The following LRRC17 variants were observed in gnomAD, a reference collection of about 807,000 sequenced individuals.
LRRC17 encodes the protein leucine rich repeat containing 17, also known as leucine-rich repeat-containing protein 17.
LRRC17 carries 33 observed loss-of-function variants against 41.5 expected under a neutral mutation model. The ratio of observed to expected loss-of-function variants is 0.80; its 90% confidence interval spans 0.60 to 1.06. LRRC17 has a LOEUF of 1.06. LRRC17 is among the 50% of genes least tolerant of loss of function. The probability of loss-of-function intolerance (pLI) is 0.00; values close to 1 mark genes in which losing one functional copy is unlikely to be tolerated. For synonymous variants in LRRC17, 192 were observed against 197.0 expected (o/e 0.97, Z 0.21); for missense variants, 491 against 519.3 (o/e 0.95, Z 0.53).
rs759963809 is a variant in LRRC17, at chr7:102,913,146, G to A, written c.-141+1G>A. 1.9e-6 allele frequency: 3 copies of A among 1,614,038 alleles called. No homozygotes were observed. On this transcript the variant is annotated splice_donor_variant, in intron 1 of 3. Coordinates refer to ENST00000339431, the MANE Select transcript of LRRC17 (RefSeq NM_001031692.3). LOFTEE classifies it low-confidence loss of function (5UTR_SPLICE). ...TGTGGCATCCATTCCCCAAGTTCAG[G>A]TACTGTAAGCCTTTGTCTGTGAACC...
chr7:102,944,094 T>C (rs1355643291), intron 3 of LRRC17, 116 bp from the exon 4 acceptor site: 2 of 821,398 alleles, frequency 2.4e-6, no homozygotes, highest in Admixed American at 2.8e-5. Flanking sequence ...AAGAAATCTC[T>C]TTATTTTCAA....
At chr7:102,936,837 GT>G (rs1336671176) in intron 2 of LRRC17, among the ~76,000 whole-genome samples, 4 of 152,188 alleles carry the variant, frequency 2.6e-5, no homozygotes, top group Non-Finnish European at 5.9e-5. Context: ...GAGATAACAT[GT>G]GAGGAAATGT....
At position 102,942,350 on chromosome 7, in the gene LRRC17, T is replaced by A. The variant is rs757365863; in HGVS notation, c.929-1860T>A. The A allele has an allele frequency of 3.2e-6, 5 of 1,561,060 alleles. No homozygotes were observed. In the East Asian group the frequency reaches 1.2e-4, roughly 37 times the overall value. ...TGAATGATTTTTGCTGTGGTAAGTA[T>A]ACAAATGCAGTGGGAGTTGCCAGAC... On this transcript the variant is annotated intron_variant, in intron 3 of 3. Transcript: ENST00000339431.
At chr7:102,927,560 T>A (rs1437143470) in intron 1 of LRRC17, among the ~76,000 whole-genome samples, 3 of 152,148 alleles carry the variant, frequency 2.0e-5, no homozygotes, top group Admixed American at 6.5e-5. Flanking sequence ...CACACTCAGA[T>A]AGGAATTGGT....
intron 1 of LRRC17, among the ~76,000 whole-genome samples, chr7:102,925,143 C>G (rs1817870260): frequency 6.6e-6 from 1 of 152,168 alleles, no homozygotes; most frequent in Non-Finnish European, 1.5e-5. Context: ...TGGCTCATGC[C>G]AGCACTTTGG....
intron 1 of LRRC17, among the ~76,000 whole-genome samples, chr7:102,923,333 C>T (rs536960287): frequency 1.1e-4 from 16 of 152,142 alleles, no homozygotes; most frequent in Admixed American, 2.6e-4. Flanking sequence ...TGATGTTTTC[C>T]GTGGTATAGA....
chr7:102,932,099 TGG>T (rs958616667), intron 1 of LRRC17, among the ~76,000 whole-genome samples: 1 of 152,180 alleles, frequency 6.6e-6, no homozygotes, highest in Non-Finnish European at 1.5e-5. Context: ...ATGGCTTTTT[TGG>T]GCTTCAGAAT....
intron 1 of LRRC17, among the ~76,000 whole-genome samples, chr7:102,932,638 A>G (rs1460452092): frequency 3.2e-5 from 1 of 30,858 alleles, no homozygotes; most frequent in African/African-American, 9.6e-5. Flanking sequence ...TCTGTCAGCC[A>G]CGCTAGAGTG....
intron 2 of LRRC17, among the ~76,000 whole-genome samples, chr7:102,935,878 G>A (rs1420934707): frequency 2.6e-5 from 4 of 152,102 alleles, no homozygotes; most frequent in Non-Finnish European, 5.9e-5. Flanking sequence ...GTTTCTTTAA[G>A]GGCAAGAGAA....
chr7:102,915,915 A>C (rs1815762254), intron 1 of LRRC17, among the ~76,000 whole-genome samples: 1 of 152,168 alleles, frequency 6.6e-6, no homozygotes, highest in Non-Finnish European at 1.5e-5. Flanking sequence ...TGTCCCAGAG[A>C]CTGCTAATAC....
At chr7:102,941,314 G>A (rs111870147) in intron 3 of LRRC17, among the ~76,000 whole-genome samples, 1 of 152,140 alleles carries the variant, frequency 6.6e-6, no homozygotes, top group Non-Finnish European at 1.5e-5. Flanking sequence ...CCAGGGTACA[G>A]GGTAAAGAAT....
rs762643799 is a variant in LRRC17, at chr7:102,944,226, C to T, written c.945C>T (p.Leu315=). Residue 315 remains leucine (L), a synonymous_variant, in exon 4 of 4, where the codon CTC becomes CTT. Coordinates refer to ENST00000339431, the MANE Select transcript of LRRC17 (RefSeq NM_001031692.3). ...TGTTTCCAGCCGCTTTTTTAGGGCT[C>T]ACACATTTAGAAGAATTAGATTTAT... ...EFIDPAAFLG[L]THLEELDLSN... is the part of the protein sequence containing the mutation. 6 of 1,607,434 alleles carry T rather than the reference C, an allele frequency of 3.7e-6. No individual in the cohort carries two copies. The highest frequency in any genetic ancestry group is 4.2e-6 in the Non-Finnish European group (5 of 1,177,522).
chr7:102,933,176 T>G (rs144191982), intron 1 of LRRC17: 1 of 152,018 alleles, frequency 6.6e-6, no homozygotes, highest in African/African-American at 2.4e-5. Context: ...AAGGTAACAT[T>G]TGAGCCAAGA....
intron 3 of LRRC17, among the ~76,000 whole-genome samples, chr7:102,941,631 A>G (rs768381937): frequency 1.1e-4 from 17 of 152,258 alleles, no homozygotes; most frequent in Non-Finnish European, 2.2e-4. Context: ...GAATCTCAGG[A>G]CAAGCAAAAG....
Position 102,944,857 on chromosome 7 carries a change from G to C in LRRC17, c.*250G>C, listed in dbSNP as rs572139285. On this transcript the variant is annotated 3_prime_UTR_variant, in exon 4 of 4. Transcript: ENST00000339431. ...CCACACTGGTAACCTGCAGCAGTTG[G>C]GTCCTAATGATGGCATTAGACTTTC... The C allele has an allele frequency of 2.6e-6, 1 of 384,486 alleles. No individual in the cohort carries two copies. The highest frequency in any genetic ancestry group is 7.2e-5 in the South Asian group (1 of 13,910). The allele number at this position is 384,486 out of a possible 1,614,324, so 23.8% of individuals were successfully genotyped here.
chr7:102,933,765 C>A lies in LRRC17; in HGVS notation c.-140-9C>A, dbSNP rs1286014369. ...CTTAATTTTTAATATATATTTTTTT[C>A]TCTTCCAGCCTAGGGACTCCACGTA... On this transcript the variant is annotated splice_polypyrimidine_tract_variant and intron_variant, in intron 1 of 3. Coordinates refer to ENST00000339431, the MANE Select transcript of LRRC17 (RefSeq NM_001031692.3). The A allele has an allele frequency of 1.7e-5, 12 of 707,272 alleles. No individual in the cohort carries two copies. Among genetic ancestry groups the A allele is most frequent in the East Asian group, 5.7e-5 (2 of 35,288 alleles). The allele number at this position is 707,272 out of a possible 1,614,324, so 43.8% of individuals were successfully genotyped here.
At chr7:102,938,829 C>A (rs1820830303) in intron 2 of LRRC17, among the ~76,000 whole-genome samples, 1 of 152,220 alleles carries the variant, frequency 6.6e-6, no homozygotes, top group Non-Finnish European at 1.5e-5. Flanking sequence ...CTAAGCCACA[C>A]TAGGAAAGCC....
intron 1 of LRRC17, among the ~76,000 whole-genome samples, chr7:102,916,115 C>T (rs1815815217): frequency 6.6e-6 from 1 of 152,018 alleles, no homozygotes; most frequent in African/African-American, 2.4e-5. Context: ...TCCCAAGTAG[C>T]TGGGATTACA....
intron 2 of LRRC17, 35 bp from the exon 3 acceptor site, chr7:102,939,395 G>A: frequency 6.4e-7 from 1 of 1,566,998 alleles, no homozygotes. Context: ...GGGGCAAAAA[G>A]AGCATAATAA....
Sources: allele counts gnomAD v4.1 joint callset (sites outside exome capture counted in the v4.1 genomes callset), GRCh38; gene constraint gnomAD v4.1.1; transcripts MANE v1.5; gene names NCBI Gene and HGNC (gene_info 2026-07-23, HGNC 2026-07-21).